Variants in RBFOX1 observed in about 807,000 individuals in gnomAD.
RBFOX1 encodes RNA binding fox-1 homolog 1.
Under a neutral mutation model 57.7 loss-of-function variants are expected in RBFOX1, and 8 were observed. The observed-to-expected ratio is 0.14, with a 90% CI of 0.08 to 0.25. The LOEUF is 0.25. Ranked by LOEUF, RBFOX1 falls within the 10% of genes least tolerant of loss-of-function variation. The pLI is 1.00. For synonymous variants in RBFOX1, 326 were observed against 222.4 expected (o/e 1.47, Z -4.15); for missense variants, 611 against 548.5 (o/e 1.11, Z -1.14).
intron 3 of RBFOX1, among the ~76,000 whole-genome samples, chr16:6,934,570 A>T (rs1376277244): frequency 1.3e-5 from 2 of 152,192 alleles, no homozygotes; most frequent in African/African-American, 2.4e-5. Context: ...TTTTAAAAAG[A>T]TAACAAAGTC....
At chr16:5,745,186 G>C (rs1277732827) in intron 3 of RBFOX1, among the ~76,000 whole-genome samples, 1 of 152,114 alleles carries the variant, frequency 6.6e-6, no homozygotes, top group East Asian at 1.9e-4. Context: ...GTGAGAACAT[G>C]CAGTGTTTGG....
chr16:6,611,099 C>T (rs1424390974), intron 2 of RBFOX1, among the ~76,000 whole-genome samples: 1 of 152,078 alleles, frequency 6.6e-6, no homozygotes, highest in East Asian at 1.9e-4. Flanking sequence ...CAACAGGAAC[C>T]CATAAATGGT....
At chr16:7,094,084 T>A (rs2061305137) in intron 4 of RBFOX1, among the ~76,000 whole-genome samples, 2 of 150,024 alleles carry the variant, frequency 1.3e-5, no homozygotes, top group African/African-American at 2.5e-5. Context: ...ATACTAGATG[T>A]GAAATAGCCC....
chr16:6,231,239 G>GGTGT (rs1555566197), intron 1 of RBFOX1, among the ~76,000 whole-genome samples: 11 of 149,346 alleles, frequency 7.4e-5, no homozygotes, highest in East Asian at 6.0e-4. Flanking sequence ...TGTGTGTGTA[G>GGTGT]GTGTGTGTGT....
At chr16:5,841,317 G>T (rs933124208) in intron 3 of RBFOX1, among the ~76,000 whole-genome samples, 1 of 152,172 alleles carries the variant, frequency 6.6e-6, no homozygotes, top group South Asian at 2.1e-4. Flanking sequence ...GCTGGATTCA[G>T]GGAATGTTCT....
intron 3 of RBFOX1, among the ~76,000 whole-genome samples, chr16:7,047,047 CT>C (rs57082046): frequency 0.089 from 11,059 of 124,376 alleles, 596 homozygotes; most frequent in African/African-American, 0.17. Context: ...ATGCAATTTC[CT>C]TTTTTTTTTT....
chr16:7,183,965 A>G (rs1041888619), intron 4 of RBFOX1, among the ~76,000 whole-genome samples: 1 of 152,184 alleles, frequency 6.6e-6, no homozygotes, highest in African/African-American at 2.4e-5. Flanking sequence ...TGCAATGATG[A>G]CGTCATTAAA....
intron 4 of RBFOX1, among the ~76,000 whole-genome samples, chr16:7,496,538 T>C (rs1321606238): frequency 2.0e-5 from 3 of 152,306 alleles, no homozygotes; most frequent in Admixed American, 1.3e-4. Flanking sequence ...TTAGGGTGTA[T>C]ACATGAGTTT....
intron 4 of RBFOX1, among the ~76,000 whole-genome samples, chr16:7,173,407 A>G (rs911940708): frequency 1.3e-5 from 2 of 152,136 alleles, no homozygotes; most frequent in African/African-American, 2.4e-5. Flanking sequence ...ACAACAGGGT[A>G]TACGTATATA....
intron 3 of RBFOX1, among the ~76,000 whole-genome samples, chr16:5,843,150 A>G (rs904129957): frequency 6.6e-6 from 1 of 152,032 alleles, no homozygotes; most frequent in South Asian, 2.1e-4. Flanking sequence ...TTTATCTTTC[A>G]TTATAGGTTC....
intron 3 of RBFOX1, among the ~76,000 whole-genome samples, chr16:5,823,740 A>G (rs921012269): frequency 1.3e-5 from 2 of 152,184 alleles, no homozygotes; most frequent in African/African-American, 4.8e-5. Flanking sequence ...CCTTATGAGA[A>G]TTTAATGCCC....
intron 4 of RBFOX1, among the ~76,000 whole-genome samples, chr16:7,249,705 C>G (rs1330211763): frequency 1.3e-5 from 2 of 151,874 alleles, no homozygotes; most frequent in Non-Finnish European, 2.9e-5. Context: ...GGCACAGTCC[C>G]AATTGCTGAG....
chr16:5,862,508 G>A (rs928732701), intron 3 of RBFOX1, among the ~76,000 whole-genome samples: 3 of 152,178 alleles, frequency 2.0e-5, no homozygotes, highest in Non-Finnish European at 4.4e-5. Flanking sequence ...GAGGGGAAGG[G>A]ATAATGTCCA....
At chr16:6,879,829 A>T (rs762387684) in intron 3 of RBFOX1, among the ~76,000 whole-genome samples, 2 of 152,230 alleles carry the variant, frequency 1.3e-5, no homozygotes, top group Non-Finnish European at 2.9e-5. Context: ...ATGATGTTAA[A>T]TTTACAAAGA....
intron 3 of RBFOX1, among the ~76,000 whole-genome samples, chr16:5,857,345 G>A (rs2057097777): frequency 6.6e-6 from 1 of 152,080 alleles, no homozygotes; most frequent in Admixed American, 6.5e-5. Context: ...TAATAATCAT[G>A]AAAAAATTTT....
intron 3 of RBFOX1, among the ~76,000 whole-genome samples, chr16:5,651,774 T>C (rs1318567628): frequency 6.6e-6 from 1 of 152,214 alleles, no homozygotes; most frequent in African/African-American, 2.4e-5. Context: ...TAATTTCTTC[T>C]GAACAATATT....
rs79252334 is a variant in RBFOX1, at chr16:5,572,116, A to T, written c.259-26786A>T. ...CTTTCCCTTGTGGTCCCTTAAATAC[A>T]TGATTTGTTAGGAATGGAATGGCTT... On this transcript the variant is annotated intron_variant, in intron 2 of 2. Coordinates refer to the RBFOX1 transcript ENST00000585867. Among the ~76,000 whole-genome samples the T allele has an allele frequency of 4.6e-3, 692 of 152,074 alleles. 3 individuals are homozygous for T. Among genetic ancestry groups the T allele is most frequent in the African/African-American group, 0.015 (634 of 41,504 alleles).
At chr16:7,238,595 T>A (rs931763721) in intron 4 of RBFOX1, among the ~76,000 whole-genome samples, 1 of 152,228 alleles carries the variant, frequency 6.6e-6, no homozygotes, top group Non-Finnish European at 1.5e-5. Flanking sequence ...CGTTCCAAAT[T>A]CTGAATCTCC....
intron 4 of RBFOX1, among the ~76,000 whole-genome samples, chr16:7,249,240 C>G (rs570603299): frequency 1.1e-4 from 16 of 152,260 alleles, no homozygotes; most frequent in African/African-American, 3.6e-4. Flanking sequence ...TTCCATTCCC[C>G]TCTTTTTTCC....
Sources: allele counts gnomAD v4.1 joint callset (sites outside exome capture counted in the v4.1 genomes callset), GRCh38; gene constraint gnomAD v4.1.1; transcripts MANE v1.5; gene names NCBI Gene and HGNC (gene_info 2026-07-23, HGNC 2026-07-21).